YIPF4: variants seen among roughly 807,000 people sequenced by gnomAD.
YIPF4 encodes Yip1 domain family member 4, also known as protein YIPF4.
YIPF4 carries 18 observed loss-of-function variants against 29.4 expected under a neutral mutation model. The observed-to-expected ratio is 0.61, with a 90% CI of 0.42 to 0.91. The LOEUF is 0.91. YIPF4 is among the 40% of genes least tolerant of loss of function. YIPF4 has a pLI of 0.00. For missense variants in YIPF4, 279 were observed against 282.7 expected (o/e 0.99, Z 0.09); for synonymous variants, 115 against 104.7 (o/e 1.10, Z -0.60).
chr2:32,294,233 G>T (rs2031071278), intron 3 of YIPF4, among the ~76,000 whole-genome samples: 1 of 152,056 alleles, frequency 6.6e-6, no homozygotes, highest in African/African-American at 2.4e-5. Flanking sequence ...TCCCAGACGG[G>T]GTGGCTGCTG....
At chr2:32,284,165 A>T (rs1303057128) in intron 1 of YIPF4, among the ~76,000 whole-genome samples, 1 of 152,216 alleles carries the variant, frequency 6.6e-6, no homozygotes. Flanking sequence ...ACCAAGACAA[A>T]TGCCACCAAA....
chr2:32,290,737 G>A, intron 2 of YIPF4, 101 bp downstream of exon 2: 1 of 797,714 alleles, frequency 1.3e-6, no homozygotes, highest in Non-Finnish European at 1.7e-6. Flanking sequence ...ACCTTTTTTG[G>A]TCAAAAGCTA....
intron 1 of YIPF4, among the ~76,000 whole-genome samples, chr2:32,285,912 A>G (rs920435422): frequency 1.3e-5 from 2 of 152,098 alleles, no homozygotes; most frequent in African/African-American, 4.8e-5. Flanking sequence ...AATAATATCC[A>G]TATAGGTCTA....
chr2:32,278,476 C>G (rs2030215019), intron 1 of YIPF4, among the ~76,000 whole-genome samples: 2 of 152,128 alleles, frequency 1.3e-5, no homozygotes, highest in Non-Finnish European at 2.9e-5. Context: ...CCCATACCGT[C>G]TGGTGGCTGG....
At position 32,292,113 on chromosome 2, in the gene YIPF4, T is replaced by C. The variant is rs954116911; in HGVS notation, c.234-64T>C. 5.2e-5 allele frequency: 59 copies of C among 1,135,354 alleles called. 1 individual carries two copies. Among genetic ancestry groups the C allele is most frequent in the Non-Finnish European group, 6.7e-5 (57 of 855,622 alleles). 70.3% of individuals were successfully genotyped at this position (1,135,354 alleles called of 1,614,324 possible). On this transcript the variant is annotated intron_variant, in intron 2 of 5. Coordinates refer to ENST00000238831, the MANE Select transcript of YIPF4 (RefSeq NM_032312.4). ...CTTATTTAAAGTTTTCTTAATTTTTTTTTGGAATTGTTTTAGTATTCAGAA... is the reference window on the plus strand; with the variant it reads ...CTTATTTAAAGTTTTCTTAATTTTTCTTTGGAATTGTTTTAGTATTCAGAA...
chr2:32,283,247 A>T (rs925167385), intron 1 of YIPF4, among the ~76,000 whole-genome samples: 2 of 152,102 alleles, frequency 1.3e-5, no homozygotes, highest in Non-Finnish European at 2.9e-5. Context: ...TCCAACATGA[A>T]CATTTTACTG....
intron 4 of YIPF4, among the ~76,000 whole-genome samples, chr2:32,300,756 G>C (rs1460673393): frequency 2.0e-5 from 3 of 152,092 alleles, no homozygotes; most frequent in Non-Finnish European, 4.4e-5. Flanking sequence ...ATTTTAATTT[G>C]AACACTGACA....
At chr2:32,289,110 GA>G (rs2030808686) in intron 1 of YIPF4, among the ~76,000 whole-genome samples, 1 of 152,140 alleles carries the variant, frequency 6.6e-6, no homozygotes, top group African/African-American at 2.4e-5. Flanking sequence ...CATGTACAGG[GA>G]TTATTTTTGA....
chr2:32,298,331 A>C lies in YIPF4; in HGVS notation c.483+20A>C, dbSNP rs1349315096. The C allele has an allele frequency of 6.4e-7, 1 of 1,561,486 alleles. No homozygotes were observed. Among genetic ancestry groups the C allele is most frequent in the South Asian group, 1.1e-5 (1 of 89,158 alleles). ...GGAGAAGTAAGTAGTTTATTTTGAAAATAATCTTCCTTATTTATGGTGAGC... is the reference window on the plus strand; with the variant it reads ...GGAGAAGTAAGTAGTTTATTTTGAACATAATCTTCCTTATTTATGGTGAGC... On this transcript the variant is annotated intron_variant, in intron 4 of 5. Transcript: ENST00000238831.
intron 1 of YIPF4, among the ~76,000 whole-genome samples, chr2:32,289,406 T>C (rs1573530240): frequency 6.6e-6 from 1 of 152,232 alleles, no homozygotes; most frequent in Admixed American, 6.5e-5. Context: ...ATATGAAAAA[T>C]GGTTTTTTGT....
chr2:32,296,166 A>G (rs538229396), intron 3 of YIPF4, among the ~76,000 whole-genome samples: 2 of 152,118 alleles, frequency 1.3e-5, no homozygotes, highest in African/African-American at 4.8e-5. Context: ...ATAATCTTTC[A>G]TTTGAACAAA....
rs895816360 is a variant in YIPF4 at position 32,314,989 on chromosome 2, C to G, written c.*9363C>G. 5 of 152,158 alleles carry G rather than the reference C, an allele frequency of 3.3e-5. No individual in the cohort carries two copies. Among genetic ancestry groups the G allele is most frequent in the Non-Finnish European group, 5.9e-5 (4 of 68,024 alleles). The allele number at this position is 152,158 out of a possible 1,614,324, so 9.4% of individuals were successfully genotyped here. ...AAACAAAAATTCCTGTGATTACTAG[C>G]TTCACTGTGAGTTTATTTTTTCACG... On this transcript the variant is annotated 3_prime_UTR_variant, in exon 6 of 6. Transcript: ENST00000238831.
chr2:32,315,995 A>G lies in YIPF4; in HGVS notation c.*10369A>G, dbSNP rs778788438. On this transcript the variant is annotated 3_prime_UTR_variant, in exon 6 of 6. Transcript: ENST00000238831. The stretch of plus-strand genomic sequence containing the variant: ...CAGGCGTTCAAGACCTGCCTGGGCA[A>G]TATAGCGAGACCCCGTTCTCCCCAA... 4 of 150,186 alleles carry G rather than the reference A, an allele frequency of 2.7e-5. No individual in the cohort carries two copies. The highest frequency in any genetic ancestry group is 5.9e-5 in the Non-Finnish European group (4 of 67,532). The allele number at this position is 150,186 out of a possible 1,614,324, so 9.3% of individuals were successfully genotyped here.
Position 32,316,042 on chromosome 2 carries a change from C to CAAAAAAAAAAAAAAAAAA in YIPF4, c.*10431_*10432insAAAAAAAAAAAAAAAAAA, listed in dbSNP as rs1024666738. On this transcript the variant is annotated 3_prime_UTR_variant, in exon 6 of 6. Coordinates refer to ENST00000238831, the MANE Select transcript of YIPF4 (RefSeq NM_032312.4). ...CCAAAAAGGAAAAAAAAAAAAAAACCAAAAAAAAAAAAAAAGTATAAAGCA... is the reference window on the plus strand; with the variant it reads ...CCAAAAAGGAAAAAAAAAAAAAAACCAAAAAAAAAAAAAAAAAAAAAAAAAAAAAAAAAGTATAAAGCA... 2 of 104,276 alleles carry CAAAAAAAAAAAAAAAAAA rather than the reference C, an allele frequency of 1.9e-5. No individual in the cohort carries two copies. Among genetic ancestry groups the CAAAAAAAAAAAAAAAAAA allele is most frequent in the African/African-American group, 7.1e-5 (2 of 28,112 alleles). 6.5% of individuals were successfully genotyped at this position (104,276 alleles called of 1,614,324 possible). A position where few individuals can be genotyped will look rare whatever the true frequency, so the allele number is the denominator to read the frequency against.
chr2:32,280,136 T>TA (rs201049173), intron 1 of YIPF4, among the ~76,000 whole-genome samples: 16,625 of 144,736 alleles, frequency 0.11, 1,046 homozygotes, highest in Middle Eastern at 0.21. Context: ...TATATATATA[T>TA]TTTTTTTTTG....
rs145851072 is a variant in YIPF4 at position 32,290,560 on chromosome 2, A to G, written c.157A>G (p.Thr53Ala). 1.9e-6 allele frequency: 3 copies of G among 1,591,816 alleles called. No individual in the cohort carries two copies. Among genetic ancestry groups the G allele is most frequent in the South Asian group, 1.1e-5 (1 of 87,808 alleles). Reference sequence around the variant, plus strand: ...TTTTATCAAAGAATCTACAGCTACTACATTTCTGAGACAAAGAGGTTATGG... The same window carrying G: ...TTTTATCAAAGAATCTACAGCTACTGCATTTCTGAGACAAAGAGGTTATGG... ...GDFIKESTATTFLRQRGYGWL... is the reference protein window; with the variant it reads ...GDFIKESTATAFLRQRGYGWL... The change falls in exon 2 of 6, where the codon ACA becomes GCA. Residue 53 changes from threonine to alanine, a missense_variant. Thr to Ala is a moderately conservative substitution (Grantham distance 58, BLOSUM62 0). Coordinates refer to ENST00000238831, the MANE Select transcript of YIPF4 (RefSeq NM_032312.4).
chr2:32,287,790 A>G (rs2030740460), intron 1 of YIPF4, among the ~76,000 whole-genome samples: 1 of 152,234 alleles, frequency 6.6e-6, no homozygotes, highest in Non-Finnish European at 1.5e-5. Context: ...AGCTGTAGAA[A>G]CATTTTTAAA....
In YIPF4 at chr2:32,316,046, A is replaced by AC. The variant is rs1558486617; in HGVS notation, c.*10420_*10421insC. 3.4e-5 allele frequency: 5 copies of AC among 146,894 alleles called. No individual in the cohort carries two copies. Among genetic ancestry groups the AC allele is most frequent in the South Asian group, 2.2e-4 (1 of 4,630 alleles). 9.1% of individuals were successfully genotyped at this position (146,894 alleles called of 1,614,324 possible). A position where few individuals can be genotyped will look rare whatever the true frequency, so the allele number is the denominator to read the frequency against. On this transcript the variant is annotated 3_prime_UTR_variant, in exon 6 of 6. Coordinates refer to ENST00000238831, the MANE Select transcript of YIPF4 (RefSeq NM_032312.4). ...AAAGGAAAAAAAAAAAAAAACCAAA[A>AC]AAAAAAAAAAAGTATAAAGCACAGA... is the stretch of plus-strand genomic sequence containing the variant.
chr2:32,303,623 C>G (rs2031479524), intron 5 of YIPF4, among the ~76,000 whole-genome samples: 1 of 152,138 alleles, frequency 6.6e-6, no homozygotes, highest in Non-Finnish European at 1.5e-5. Context: ...GAGGTTGAGG[C>G]TGCAGTGAGC....
Sources: allele counts gnomAD v4.1 joint callset (sites outside exome capture counted in the v4.1 genomes callset), GRCh38; gene constraint gnomAD v4.1.1; transcripts MANE v1.5; gene names NCBI Gene and HGNC (gene_info 2026-07-23, HGNC 2026-07-21).